Variants in CNTNAP2 observed in about 807,000 individuals in gnomAD.
The protein encoded by CNTNAP2 is contactin-associated protein-like 2.
A neutral mutation model predicts 155.2 loss-of-function variants in CNTNAP2; 98 were observed. The ratio of observed to expected loss-of-function variants is 0.63; its 90% CI spans 0.54 to 0.75. The LOEUF (loss-of-function observed/expected upper bound fraction) is 0.75, where lower values mean the gene tolerates loss of function less well. Among genes scored for constraint, CNTNAP2 ranks in the 30% least tolerant of loss-of-function variants. The pLI, the probability that CNTNAP2 is intolerant of heterozygous loss-of-function variation, is 0.00. For synonymous variants in CNTNAP2, 651 were observed against 631.2 expected (o/e 1.03, Z -0.47); for missense variants, 1,727 against 1,688.1 (o/e 1.02, Z -0.40).
At chr7:147,775,570 T>C (rs944652269) in intron 13 of CNTNAP2, among the ~76,000 whole-genome samples, 1 of 149,786 alleles carries the variant, frequency 6.7e-6, no homozygotes, top group Non-Finnish European at 1.5e-5. Flanking sequence ...CTACTCAGAA[T>C]TTTATTGTGG....
intron 1 of CNTNAP2, among the ~76,000 whole-genome samples, chr7:146,221,077 G>A (rs1292094641): frequency 6.6e-6 from 1 of 152,172 alleles, no homozygotes; most frequent in African/African-American, 2.4e-5. Flanking sequence ...TAATCCGTGT[G>A]AGAATGAATC....
intron 1 of CNTNAP2, among the ~76,000 whole-genome samples, chr7:146,347,455 A>G (rs943684815): frequency 3.9e-5 from 6 of 152,160 alleles, no homozygotes; most frequent in African/African-American, 7.2e-5. Flanking sequence ...CATCTTTTTT[A>G]TCTCATGGAT....
At chr7:147,051,089 G>T (rs183196584) in intron 4 of CNTNAP2, among the ~76,000 whole-genome samples, 1 of 151,384 alleles carries the variant, frequency 6.6e-6, no homozygotes, top group African/African-American at 2.4e-5. Context: ...TATCCACAAA[G>T]ACCCACTTTT....
At chr7:146,381,831 T>C (rs985781424) in intron 1 of CNTNAP2, among the ~76,000 whole-genome samples, 5 of 152,170 alleles carry the variant, frequency 3.3e-5, no homozygotes, top group African/African-American at 1.2e-4. Context: ...CGTATTTTTT[T>C]ACTGCTGGTC....
rs1023080378 is a variant in CNTNAP2 at position 147,032,388 on chromosome 7, A to C, written c.403-11519A>C. On this transcript the variant is annotated intron_variant, in intron 3 of 23. Coordinates refer to ENST00000361727, the MANE Select transcript of CNTNAP2 (RefSeq NM_014141.6). Reference sequence around the variant, plus strand: ...ACTAAGGTTAAGATCAATATGATACATGACCAATGGAATGTATGCAGAAGT... The same window carrying C: ...ACTAAGGTTAAGATCAATATGATACCTGACCAATGGAATGTATGCAGAAGT... Among the ~76,000 whole-genome samples the C allele has an allele frequency of 5.9e-5, 9 of 152,328 alleles. No homozygotes were observed. In the South Asian group the frequency reaches 1.9e-3, roughly 32 times the overall value.
At chr7:147,661,741 C>T (rs28368320) in intron 13 of CNTNAP2, among the ~76,000 whole-genome samples, 6,749 of 151,874 alleles carry the variant, frequency 0.044, 500 homozygotes, top group African/African-American at 0.15. Context: ...TTAGTAGAGA[C>T]GGGGTTTCAC....
intron 3 of CNTNAP2, among the ~76,000 whole-genome samples, chr7:146,907,015 C>T (rs1796146725): frequency 6.7e-6 from 1 of 150,258 alleles, no homozygotes; most frequent in Admixed American, 6.6e-5. Context: ...GCAGAAGCCT[C>T]AGGAGCCGAT....
chr7:147,404,432 T>G (rs888058738), intron 10 of CNTNAP2, among the ~76,000 whole-genome samples: 1 of 152,200 alleles, frequency 6.6e-6, no homozygotes, highest in African/African-American at 2.4e-5. Flanking sequence ...GTCATCCTAT[T>G]GTGATTCTTT....
chr7:146,443,376 A>G (rs1441986849), intron 1 of CNTNAP2, among the ~76,000 whole-genome samples: 1 of 152,046 alleles, frequency 6.6e-6, no homozygotes, highest in Non-Finnish European at 1.5e-5. Context: ...ATTTAGAATA[A>G]AAGAGAGTTT....
chr7:146,772,502 C>CAAAA (rs71165037), intron 1 of CNTNAP2, among the ~76,000 whole-genome samples: 1,907 of 96,174 alleles, frequency 0.02, 35 homozygotes, highest in East Asian at 0.14. Context: ...ACTGAAAATA[C>CAAAA]AAAAAAAAAA....
At chr7:147,481,337 A>G (rs1295469395) in intron 10 of CNTNAP2, among the ~76,000 whole-genome samples, 1 of 152,172 alleles carries the variant, frequency 6.6e-6, no homozygotes, top group African/African-American at 2.4e-5. Context: ...CTACAAACAA[A>G]CAAATCTGGT....
chr7:148,178,877 C>CT (rs1198807971), intron 18 of CNTNAP2, among the ~76,000 whole-genome samples: 4 of 152,258 alleles, frequency 2.6e-5, no homozygotes, highest in African/African-American at 9.6e-5. Flanking sequence ...TCCTTTAATC[C>CT]TTCCCTAATA....
At chr7:146,533,064 T>G (rs1178919650) in intron 1 of CNTNAP2, among the ~76,000 whole-genome samples, 1 of 131,882 alleles carries the variant, frequency 7.6e-6, no homozygotes, top group Admixed American at 9.1e-5. Flanking sequence ...ATCGCACCAC[T>G]GCACTCCAGC....
At chr7:146,817,477 A>AG (rs1563243978) in intron 2 of CNTNAP2, among the ~76,000 whole-genome samples, 3 of 152,044 alleles carry the variant, frequency 2.0e-5, no homozygotes, top group African/African-American at 7.3e-5. Flanking sequence ...CATCAAAAAA[A>AG]AAAAAAATCT....
intron 4 of CNTNAP2, among the ~76,000 whole-genome samples, chr7:147,067,764 A>G (rs1022884260): frequency 1.3e-5 from 2 of 152,212 alleles, no homozygotes; most frequent in African/African-American, 2.4e-5. Flanking sequence ...TTCAACAAGC[A>G]TTCTGTTGAG....
chr7:147,103,909 G>A (rs568169966), intron 4 of CNTNAP2, among the ~76,000 whole-genome samples: 4 of 152,002 alleles, frequency 2.6e-5, no homozygotes, highest in Non-Finnish European at 4.4e-5. Flanking sequence ...GAGGGTCAAG[G>A]TTATGAAAGA....
intron 1 of CNTNAP2, among the ~76,000 whole-genome samples, chr7:146,511,564 A>G (rs1797466791): frequency 6.6e-6 from 1 of 152,240 alleles, no homozygotes; most frequent in African/African-American, 2.4e-5. Flanking sequence ...AATTCTGTTA[A>G]TATGATGTAT....
chr7:147,968,557 G>A (rs1801267600), intron 14 of CNTNAP2, among the ~76,000 whole-genome samples: 1 of 152,136 alleles, frequency 6.6e-6, no homozygotes, highest in Non-Finnish European at 1.5e-5. Flanking sequence ...GTGAACAGAG[G>A]GACCTGCCGC....
At chr7:147,740,487 TA>T (rs1427111806) in intron 13 of CNTNAP2, among the ~76,000 whole-genome samples, 3 of 152,106 alleles carry the variant, frequency 2.0e-5, no homozygotes, top group Non-Finnish European at 4.4e-5. Flanking sequence ...AATAATCTTA[TA>T]AAAAAATTGT....
Sources: gnomAD v4.1 joint callset for allele counts (sites outside exome capture counted in the v4.1 genomes callset) on GRCh38, gnomAD v4.1.1 for gene constraint, MANE v1.5 for transcripts, NCBI Gene and HGNC (gene_info 2026-07-23, HGNC 2026-07-21) for gene names.